Variants in IMMP2L observed in about 807,000 individuals in gnomAD.
IMMP2L encodes inner mitochondrial membrane peptidase subunit 2, also known as mitochondrial inner membrane protease subunit 2.
IMMP2L carries 18 observed loss-of-function variants against 19.3 expected under a neutral mutation model. That is an observed-to-expected ratio of 0.93 (90% CI 0.64 to 1.38). IMMP2L has a LOEUF of 1.38. Ranked by LOEUF, IMMP2L falls within the 40% of genes most tolerant of loss-of-function variation. The pLI, the probability that IMMP2L is intolerant of heterozygous loss-of-function variation, is 0.00. For missense variants in IMMP2L, 233 were observed against 218.2 expected (o/e 1.07, Z -0.43); for synonymous variants, 76 against 73.0 (o/e 1.04, Z -0.21).
chr7:111,345,937 T>C (rs958479066), intron 3 of IMMP2L, among the ~76,000 whole-genome samples: 1 of 152,182 alleles, frequency 6.6e-6, no homozygotes, highest in African/African-American at 2.4e-5. Flanking sequence ...CCACAAATAC[T>C]TGGAAGCAGC....
chr7:111,249,875 C>T lies in IMMP2L; in HGVS notation c.239+237363G>A, dbSNP rs111773353. On this transcript the variant is annotated intron_variant, in intron 3 of 5. Transcript: ENST00000405709. ...CAAGGATGACCTCTTTCAACATTCC[C>T]GTTCAACACAGTATTGGAAGTTCTG... Among the ~76,000 whole-genome samples the T allele has an allele frequency of 8.5e-3, 1,293 of 152,148 alleles. 21 individuals carry two copies. The highest frequency in any genetic ancestry group is 0.03 in the African/African-American group (1,235 of 41,496).
At chr7:110,959,407 T>C (rs1818699268) in intron 4 of IMMP2L, among the ~76,000 whole-genome samples, 1 of 151,884 alleles carries the variant, frequency 6.6e-6, no homozygotes, top group African/African-American at 2.4e-5. Context: ...ACTCTGGCAT[T>C]TTAAAAAAAT....
intron 2 of IMMP2L, among the ~76,000 whole-genome samples, chr7:111,504,399 A>G: frequency 6.6e-6 from 1 of 151,966 alleles, no homozygotes; most frequent in Non-Finnish European, 1.5e-5. Flanking sequence ...ATACTGCCCA[A>G]GGTAATTTAT....
At chr7:111,219,280 C>A (rs1812275240) in intron 3 of IMMP2L, among the ~76,000 whole-genome samples, 1 of 151,748 alleles carries the variant, frequency 6.6e-6, no homozygotes, top group African/African-American at 2.4e-5. Flanking sequence ...AACTTTTTTT[C>A]TTTGTTTGAG....
chr7:110,946,101 T>G (rs2129553547), intron 4 of IMMP2L, among the ~76,000 whole-genome samples: 1 of 152,292 alleles, frequency 6.6e-6, no homozygotes, highest in Admixed American at 6.5e-5. Context: ...GTTCTCAAAT[T>G]TCAGCATGCA....
At chr7:111,167,483 T>C (rs780385443) in intron 3 of IMMP2L, among the ~76,000 whole-genome samples, 3 of 151,972 alleles carry the variant, frequency 2.0e-5, no homozygotes, top group Non-Finnish European at 4.4e-5. Context: ...CAAGATTATA[T>C]GCACATCCTA....
chr7:110,738,249 T>A (rs1190742049), intron 5 of IMMP2L, among the ~76,000 whole-genome samples: 4 of 152,236 alleles, frequency 2.6e-5, no homozygotes, highest in Non-Finnish European at 4.4e-5. Context: ...AAAGGTTGAT[T>A]ATTAAGCTAA....
intron 5 of IMMP2L, among the ~76,000 whole-genome samples, chr7:110,680,148 G>C (rs1447373151): frequency 6.6e-6 from 1 of 152,146 alleles, no homozygotes; most frequent in Admixed American, 6.5e-5. Flanking sequence ...TAATCTTCTA[G>C]TCACCTAATT....
intron 5 of IMMP2L, among the ~76,000 whole-genome samples, chr7:110,788,296 C>G (rs1169158593): frequency 6.6e-6 from 1 of 152,036 alleles, no homozygotes; most frequent in Non-Finnish European, 1.5e-5. Context: ...TCCTAAGGGT[C>G]ATCAATGACC....
intron 3 of IMMP2L, among the ~76,000 whole-genome samples, chr7:111,266,778 C>T (rs1817884969): frequency 6.6e-6 from 1 of 152,116 alleles, no homozygotes; most frequent in African/African-American, 2.4e-5. Flanking sequence ...TGTCATGCCA[C>T]TGCCCTCTTA....
intron 3 of IMMP2L, among the ~76,000 whole-genome samples, chr7:111,425,294 G>C (rs1835962926): frequency 6.6e-6 from 1 of 151,132 alleles, no homozygotes; most frequent in Non-Finnish European, 1.5e-5. Context: ...GGACTTTCTG[G>C]GATGATGTTA....
intron 3 of IMMP2L, among the ~76,000 whole-genome samples, chr7:111,109,252 A>G (rs1452147653): frequency 6.6e-6 from 1 of 152,178 alleles, no homozygotes; most frequent in Admixed American, 6.5e-5. Flanking sequence ...CTTTCCTTCC[A>G]TAATTAAGTT....
rs150884727 is a variant in IMMP2L, at chr7:111,157,843, A to AAT, written c.240-194280_240-194279dup. On this transcript the variant is annotated intron_variant, in intron 3 of 5. Transcript: ENST00000405709. ...ATCAAACTATCTCATGTGCCCCCTA[A>AAT]ATATATATACCTACTATAAAGCACA... Among the ~76,000 whole-genome samples the AAT allele has an allele frequency of 2.0e-3, 299 of 152,142 alleles. 2 individuals are homozygous for AAT. The highest frequency in any genetic ancestry group is 7.0e-3 in the African/African-American group (289 of 41,538).
chr7:111,559,846 A>G (rs924959002), intron 1 of IMMP2L, among the ~76,000 whole-genome samples: 18 of 152,174 alleles, frequency 1.2e-4, no homozygotes, highest in African/African-American at 4.3e-4. Context: ...AAAGTGACAC[A>G]GCTAATAAAA....
At chr7:110,881,155 G>C (rs192144334) in intron 5 of IMMP2L, among the ~76,000 whole-genome samples, 141 of 152,046 alleles carry the variant, frequency 9.3e-4, no homozygotes, top group Middle Eastern at 3.4e-3. Flanking sequence ...TTTACTGCAT[G>C]GACATTTCTT....
At chr7:111,440,487 G>T (rs1161228400) in intron 3 of IMMP2L, among the ~76,000 whole-genome samples, 2 of 151,852 alleles carry the variant, frequency 1.3e-5, no homozygotes, top group Admixed American at 1.3e-4. Context: ...ATTTTGGAAG[G>T]ATTCTTTGCT....
intron 1 of IMMP2L, among the ~76,000 whole-genome samples, chr7:111,536,690 AT>A (rs35061680): frequency 1.3e-5 from 2 of 152,206 alleles, no homozygotes; most frequent in African/African-American, 2.4e-5. Context: ...CATATAAAAA[AT>A]TTTTTTCAAT....
intron 3 of IMMP2L, among the ~76,000 whole-genome samples, chr7:111,039,735 T>C (rs1318189354): frequency 1.3e-5 from 2 of 152,140 alleles, no homozygotes; most frequent in African/African-American, 4.8e-5. Context: ...AAGAAGTAAT[T>C]CCAGCATCTC....
At chr7:110,782,240 G>A (rs1226835823) in intron 5 of IMMP2L, among the ~76,000 whole-genome samples, 1 of 151,836 alleles carries the variant, frequency 6.6e-6, no homozygotes, top group Non-Finnish European at 1.5e-5. Context: ...TAAGCCTAAG[G>A]TAGATGGTAC....
Sources: gnomAD v4.1 joint callset for allele counts (sites outside exome capture counted in the v4.1 genomes callset) on GRCh38, gnomAD v4.1.1 for gene constraint, MANE v1.5 for transcripts, NCBI Gene and HGNC (gene_info 2026-07-23, HGNC 2026-07-21) for gene names.